The following RANBP3 variants were observed in gnomAD, a reference collection of about 807,000 sequenced individuals.
RANBP3 encodes the protein ran-binding protein 3.
RANBP3 carries 14 observed loss-of-function variants against 77.3 expected under a neutral mutation model. The ratio of observed to expected loss-of-function variants is 0.18; its 90% confidence interval spans 0.12 to 0.28. The LOEUF (loss-of-function observed/expected upper bound fraction) is 0.28. Ranked by LOEUF, RANBP3 falls within the 10% of genes least tolerant of loss-of-function variation. The probability of loss-of-function intolerance (pLI) is 1.00; values close to 1 mark genes in which losing one functional copy is unlikely to be tolerated. For missense variants in RANBP3, 586 were observed against 752.3 expected, an observed-to-expected ratio of 0.78 and a Z score of 2.59; for synonymous variants, 315 against 312.4, an observed-to-expected ratio of 1.01 and a Z score of -0.09.
chr19:5,955,638 C>T (rs981131974), intron 2 of RANBP3, among the ~76,000 whole-genome samples: 24 of 152,286 alleles, frequency 1.6e-4, no homozygotes, highest in African/African-American at 5.8e-4. Context: ...TGCTGGTTGC[C>T]TTAAAGTCTT....
chr19:5,954,046 T>C (rs56792680), intron 2 of RANBP3, among the ~76,000 whole-genome samples: 11 of 152,330 alleles, frequency 7.2e-5, no homozygotes, highest in African/African-American at 2.6e-4. Context: ...CTGTGTGGCT[T>C]TGCCACTGAA....
intron 14 of RANBP3, among the ~76,000 whole-genome samples, chr19:5,920,359 C>T (rs2057802256): frequency 6.6e-6 from 1 of 152,138 alleles, no homozygotes; most frequent in South Asian, 2.1e-4. Flanking sequence ...GTATTCCAGC[C>T]TGGGTGATGG....
intron 3 of RANBP3, among the ~76,000 whole-genome samples, chr19:5,947,831 A>G (rs895782974): frequency 1.3e-5 from 2 of 152,156 alleles, no homozygotes; most frequent in Non-Finnish European, 2.9e-5. Context: ...TGTGAGGCGC[A>G]TGAGTCCCTG....
At position 5,931,544 on chromosome 19, in the gene RANBP3, A is replaced by C. The variant is rs1295726228; in HGVS notation, c.566-13T>G. The C allele has an allele frequency of 1.9e-6, 3 of 1,600,218 alleles. No homozygotes were observed. In the African/African-American group the frequency reaches 4.0e-5, roughly 21 times the overall value. ...CCACTGCTGGGGACTGTGGGAGGGAAGGAGAGTGGGGAATCACAGGTGCTT... is the reference window on the plus strand; with the variant it reads ...CCACTGCTGGGGACTGTGGGAGGGACGGAGAGTGGGGAATCACAGGTGCTT... On this transcript the variant is annotated splice_polypyrimidine_tract_variant and intron_variant, in intron 7 of 16. Transcript: ENST00000340578.
chr19:5,951,725 G>A lies in RANBP3; in HGVS notation c.79-129C>T, dbSNP rs2058279220. 10 of 811,220 alleles carry A rather than the reference G, an allele frequency of 1.2e-5. No homozygotes were observed. The Admixed American group carries it at 2.1e-4, about 17-fold the overall frequency. 50.3% of individuals were successfully genotyped at this position (811,220 alleles called of 1,614,324 possible). A position where few individuals can be genotyped will look rare whatever the true frequency, so the allele number is the denominator to read the frequency against. On this transcript the variant is annotated intron_variant, in intron 2 of 16. Transcript: ENST00000340578. ...CAGCTCCTGCGCCTGGGAGGAAGAT[G>A]GGGAGAGCAGGCACCTGCTTCTGGG... is the stretch of plus-strand genomic sequence containing the variant.
At chr19:5,925,275 C>A in intron 10 of RANBP3, 1 of 470,790 alleles carries the variant, frequency 2.1e-6, no homozygotes, top group Admixed American at 3.5e-5. Flanking sequence ...CCCCAGGTGC[C>A]CAAACCCAGA....
rs560951828 is a variant in RANBP3, at chr19:5,917,769, C to T, written c.1660+25G>A. On this transcript the variant is annotated intron_variant, in intron 16 of 16. Coordinates refer to ENST00000340578, the MANE Select transcript of RANBP3 (RefSeq NM_007322.3). ...TGGCGGGCAGCTCTTTCTATCCCCC[C>T]CAGGGTAGGGACCACCCGACTCACC... 271 of 1,596,620 alleles carry T rather than the reference C, an allele frequency of 1.7e-4. 7 individuals carry two copies. In the South Asian group the frequency reaches 2.8e-3, roughly 17 times the overall value.
Position 5,962,659 on chromosome 19 carries a change from C to G in RANBP3, c.23-4686G>C, listed in dbSNP as rs909103512. ...CTGATGGCAGGTCTGGCATTCATGA[C>G]TGACCCAGCCACTGCACTAACATGT... On this transcript the variant is annotated intron_variant, in intron 1 of 16. Coordinates refer to ENST00000340578, the MANE Select transcript of RANBP3 (RefSeq NM_007322.3). 3.5e-5 allele frequency: 16 copies of G among 455,900 alleles called. 1 individual carries two copies. The highest frequency in any genetic ancestry group is 6.2e-5 in the Non-Finnish European group (14 of 226,784). The allele number at this position is 455,900 out of a possible 1,614,324, so 28.2% of individuals were successfully genotyped here.
chr19:5,967,848 G>A (rs1281742560), intron 1 of RANBP3, among the ~76,000 whole-genome samples: 1 of 152,012 alleles, frequency 6.6e-6, no homozygotes, highest in Admixed American at 6.6e-5. Flanking sequence ...TGGTGAAATC[G>A]TGTCTCTACC....
In RANBP3 at chr19:5,919,249, T is replaced by C. The variant is rs115073062; in HGVS notation, c.1331-611A>G. On this transcript the variant is annotated intron_variant, in intron 14 of 16. Transcript: ENST00000340578. ...GAAAATGGGAGGGCCCTGACTCTTC[T>C]AGAGGATGCAACACCCCTGCGCCTG... Among the ~76,000 whole-genome samples the C allele has an allele frequency of 6.5e-3, 994 of 152,292 alleles. 8 individuals carry two copies. The highest frequency in any genetic ancestry group is 0.023 in the African/African-American group (955 of 41,560).
In RANBP3 at chr19:5,924,628, T is replaced by C. The variant is rs1418463633; in HGVS notation, c.996+199A>G. On this transcript the variant is annotated intron_variant, in intron 11 of 16. Transcript: ENST00000340578. The surrounding 1 kb of genome is among the most constrained non-coding windows in gnomAD (Gnocchi z 4.7). ...GCACGGAGGAGCCGGGAAAAGCGAA[T>C]GCCAGTTCGTAGGCAGCCAGTGGCC... Among the ~76,000 whole-genome samples, 1 of 152,236 alleles carries C rather than the reference T, an allele frequency of 6.6e-6. No individual in the cohort carries two copies. Among genetic ancestry groups the C allele is most frequent in the Non-Finnish European group, 1.5e-5 (1 of 68,040 alleles).
chr19:5,933,266 T>C, intron 6 of RANBP3, 148 bp downstream of exon 6: 1 of 630,206 alleles, frequency 1.6e-6, no homozygotes, highest in Non-Finnish European at 2.7e-6. Flanking sequence ...ACAGCCTCTC[T>C]TTAAAGGAAC....
In RANBP3 at chr19:5,923,296, C is replaced by T; in HGVS notation, c.1107G>A (p.Leu369=). 6.2e-7 allele frequency: 1 copy of T among 1,614,150 alleles called. No homozygotes were observed. The highest frequency in any genetic ancestry group is 8.5e-7 in the Non-Finnish European group (1 of 1,180,016). Residue 369 remains leucine, a synonymous_variant, in exon 13 of 17, where the codon CTG becomes CTA. Transcript: ENST00000340578. The stretch of plus-strand genomic sequence containing the variant: ...TGGTGTAGGCGGCTGCCGACTCAGC[C>T]AGGGACTCTGAAAAGTTATTGGCCA... ...SQEATPEKES[L]AESAAAYTKA... is the part of the protein sequence containing the mutation.
chr19:5,937,773 C>CCA (rs10631167), intron 5 of RANBP3, among the ~76,000 whole-genome samples: 143,002 of 152,204 alleles, frequency 0.94, 67,278 homozygotes, highest in East Asian at 1. Context: ...CTGCCCTGCT[C>CCA]GAGGCTGGAG....
rs200883001 is a variant in RANBP3 at position 5,924,779 on chromosome 19, C to T, written c.996+48G>A. On this transcript the variant is annotated intron_variant, in intron 11 of 16. Coordinates refer to ENST00000340578, the MANE Select transcript of RANBP3 (RefSeq NM_007322.3). This position sits in a 1 kb window ranked among gnomAD's most constrained non-coding sequence, Gnocchi z 4.7. ...CCATGTCCCCTTGACCTGTGGCTGG[C>T]GCCGAGAGCCTCTGGTCCCTGAGAA... 1.9e-5 allele frequency: 29 copies of T among 1,560,430 alleles called. No homozygotes were observed. Among genetic ancestry groups the T allele is most frequent in the Non-Finnish European group, 2.2e-5 (25 of 1,132,260 alleles).
intron 2 of RANBP3, among the ~76,000 whole-genome samples, chr19:5,955,320 C>G (rs532112051): frequency 6.6e-6 from 1 of 152,186 alleles, no homozygotes; most frequent in South Asian, 2.1e-4. Flanking sequence ...GTTGGTCAGG[C>G]TGGTTGAACT....
At chr19:5,925,600 A>C in intron 10 of RANBP3, 34 bp downstream of exon 10, 1 of 1,592,394 alleles carries the variant, frequency 6.3e-7, no homozygotes, top group South Asian at 1.1e-5. Flanking sequence ...CTGCATCGCC[A>C]TGCCAGGCTG....
chr19:5,969,886 T>C (rs569800694), intron 1 of RANBP3, among the ~76,000 whole-genome samples: 2 of 152,362 alleles, frequency 1.3e-5, no homozygotes, highest in Admixed American at 6.5e-5. Flanking sequence ...TGAGGCCTAC[T>C]CAGCTGCCAA....
intron 12 of RANBP3, 128 bp downstream of exon 12, chr19:5,923,684 T>G (rs1010009763): frequency 4.3e-5 from 30 of 695,034 alleles, no homozygotes; most frequent in Non-Finnish European, 6.8e-5. Flanking sequence ...CTGGAGCTGG[T>G]TCACATGTGG....
Sources: allele counts gnomAD v4.1 joint callset (sites outside exome capture counted in the v4.1 genomes callset), GRCh38; gene constraint gnomAD v4.1.1; non-coding constraint Gnocchi (gnomAD v3.1); transcripts MANE v1.5; gene names NCBI Gene and HGNC (gene_info 2026-07-23, HGNC 2026-07-21).